NRXN3: variants seen among roughly 807,000 people sequenced by gnomAD.
NRXN3 encodes neurexin 3.
In NRXN3, 32 loss-of-function variants were observed where a neutral mutation model predicts 137.6. The observed-to-expected ratio is 0.23, with a 90% CI of 0.18 to 0.31. The LOEUF (loss-of-function observed/expected upper bound fraction) is 0.31, where lower values mean the gene tolerates loss of function less well. NRXN3 is among the 10% of genes least tolerant of loss of function. NRXN3 has a pLI of 1.00. For synonymous variants in NRXN3, 798 were observed against 784.5 expected, an observed-to-expected ratio of 1.02 and a Z score of -0.29; for missense variants, 1,574 against 2,062.5, an observed-to-expected ratio of 0.76 and a Z score of 4.59.
chr14:78,444,300 A>G (rs1220496397), intron 4 of NRXN3, among the ~76,000 whole-genome samples: 1 of 152,236 alleles, frequency 6.6e-6, no homozygotes, highest in African/African-American at 2.4e-5. Flanking sequence ...GTTACTTAGC[A>G]GAGAGGCTGC....
chr14:79,585,990 A>G (rs1038138721), intron 16 of NRXN3, among the ~76,000 whole-genome samples: 13 of 152,238 alleles, frequency 8.5e-5, no homozygotes, highest in African/African-American at 3.1e-4. Context: ...GTGGCGTAGC[A>G]TATGGTGCTC....
intron 17 of NRXN3, among the ~76,000 whole-genome samples, chr14:79,679,518 G>T (rs2098658553): frequency 1.3e-5 from 2 of 152,094 alleles, no homozygotes; most frequent in Non-Finnish European, 2.9e-5. Context: ...TAGTTTGTTG[G>T]ATACCTGCCA....
At position 78,833,032 on chromosome 14, in the gene NRXN3, G is replaced by A. The variant is rs947382138; in HGVS notation, c.2275+22688G>A. On this transcript the variant is annotated intron_variant, in intron 10 of 20. Transcript: ENST00000335750. ...TGCCCTTGAAGATTTGTAACCTAGG[G>A]GTTGGAGATAGACTCCATGAGGCTG... 3.3e-5 allele frequency among the ~76,000 whole-genome samples: 5 copies of A among 152,130 alleles called. No individual in the cohort carries two copies. The South Asian group carries it at 8.3e-4, about 25-fold the overall frequency.
intron 15 of NRXN3, among the ~76,000 whole-genome samples, chr14:79,379,455 T>C (rs1803016630): frequency 6.6e-6 from 1 of 152,168 alleles, no homozygotes; most frequent in African/African-American, 2.4e-5. Context: ...CCCATGTTCA[T>C]ATGACAGCTG....
intron 20 of NRXN3, among the ~76,000 whole-genome samples, chr14:79,847,957 G>C (rs2099383788): frequency 6.7e-6 from 1 of 150,052 alleles, no homozygotes; most frequent in Non-Finnish European, 1.5e-5. Context: ...TCTTCATCAA[G>C]AACATTATAA....
At chr14:78,296,896 T>C (rs1293859965) in intron 3 of NRXN3, among the ~76,000 whole-genome samples, 1 of 152,176 alleles carries the variant, frequency 6.6e-6, no homozygotes, top group Admixed American at 6.5e-5. Flanking sequence ...TTTGGATATG[T>C]CAAATATCTC....
At chr14:78,740,742 C>A (rs1366699512) in intron 8 of NRXN3, among the ~76,000 whole-genome samples, 2 of 152,012 alleles carry the variant, frequency 1.3e-5, no homozygotes, top group Admixed American at 6.6e-5. Flanking sequence ...ACAGCTCAAT[C>A]TTATAAAATC....
chr14:79,454,223 A>G (rs1017196646), intron 15 of NRXN3, among the ~76,000 whole-genome samples: 3 of 152,068 alleles, frequency 2.0e-5, no homozygotes, highest in Non-Finnish European at 2.9e-5. Context: ...AGCTGGGACT[A>G]CAGGTGCATG....
chr14:78,278,703 C>G, intron 3 of NRXN3, 41 bp downstream of exon 3: 1 of 1,517,160 alleles, frequency 6.6e-7, no homozygotes, highest in Admixed American at 2.0e-5. Context: ...GGAATTTCCC[C>G]TCTGCTAGAT....
intron 15 of NRXN3, among the ~76,000 whole-genome samples, chr14:79,026,950 T>TTATA (rs764640398): frequency 2.3e-4 from 31 of 135,086 alleles, no homozygotes; most frequent in African/African-American, 8.2e-4. Flanking sequence ...TATTATAATT[T>TTATA]TATATATATA....
intron 10 of NRXN3, among the ~76,000 whole-genome samples, chr14:78,945,878 G>A (rs2099364161): frequency 6.6e-6 from 1 of 152,202 alleles, no homozygotes; most frequent in Non-Finnish European, 1.5e-5. Context: ...TGTGGCCAAG[G>A]GAAGAGAGCT....
chr14:79,213,769 G>T (rs770349192), intron 15 of NRXN3, among the ~76,000 whole-genome samples: 1 of 152,040 alleles, frequency 6.6e-6, no homozygotes. Context: ...CATCTGCTCG[G>T]CCACATCCAC....
At chr14:79,102,381 AG>A (rs1405824316) in intron 15 of NRXN3, among the ~76,000 whole-genome samples, 1 of 152,194 alleles carries the variant, frequency 6.6e-6, no homozygotes, top group Non-Finnish European at 1.5e-5. Flanking sequence ...TTACATTTTC[AG>A]GAGGCAAGTA....
intron 10 of NRXN3, among the ~76,000 whole-genome samples, chr14:78,816,215 A>G (rs2098932499): frequency 6.6e-6 from 1 of 152,164 alleles, no homozygotes; most frequent in African/African-American, 2.4e-5. Flanking sequence ...AGTTAATAAG[A>G]TTATACATGG....
chr14:78,190,045 A>T (rs1050451316), intron 1 of NRXN3, among the ~76,000 whole-genome samples: 2 of 152,332 alleles, frequency 1.3e-5, no homozygotes, highest in Middle Eastern at 3.4e-3. Context: ...CATCACCCTG[A>T]AGGCTGGTTG....
chr14:79,456,699 C>A (rs2096262525), intron 15 of NRXN3, among the ~76,000 whole-genome samples: 3 of 151,758 alleles, frequency 2.0e-5, no homozygotes, highest in African/African-American at 7.3e-5. Flanking sequence ...ACACTCCAGC[C>A]TGGGTGACAG....
intron 4 of NRXN3, among the ~76,000 whole-genome samples, chr14:78,474,687 C>G (rs1318223605): frequency 9.2e-5 from 14 of 152,098 alleles, no homozygotes. Flanking sequence ...CATATTAGTT[C>G]AAGAAAGTGC....
intron 19 of NRXN3, among the ~76,000 whole-genome samples, chr14:79,768,101 T>G (rs2371103): frequency 0.53 from 80,006 of 152,026 alleles, 21,552 homozygotes; most frequent in Middle Eastern, 0.65. Flanking sequence ...ATTATATCCC[T>G]CACCTGGCTC....
chr14:79,728,946 T>A (rs1043532057), intron 19 of NRXN3, among the ~76,000 whole-genome samples: 1 of 152,198 alleles, frequency 6.6e-6, no homozygotes. Context: ...ACACCTACTA[T>A]GTGCCAGGTG....
Sources: allele counts gnomAD v4.1 joint callset (sites outside exome capture counted in the v4.1 genomes callset), GRCh38; gene constraint gnomAD v4.1.1; transcripts MANE v1.5; gene names NCBI Gene and HGNC (gene_info 2026-07-23, HGNC 2026-07-21).